Variants in SUGCT observed in about 807,000 individuals in gnomAD.
SUGCT encodes the protein succinyl-CoA:glutarate-CoA transferase.
In SUGCT, 41 loss-of-function variants were observed where a neutral mutation model predicts 55.0. The ratio of observed to expected loss-of-function variants is 0.74; its 90% CI spans 0.58 to 0.97. SUGCT has a LOEUF of 0.97. Among genes scored for constraint, SUGCT ranks in the 50% least tolerant of loss-of-function variants. The pLI is 0.00. For missense variants in SUGCT, 568 were observed against 547.8 expected, an observed-to-expected ratio of 1.04 and a Z score of -0.37; for synonymous variants, 187 against 200.4, an observed-to-expected ratio of 0.93 and a Z score of 0.56.
intron 7 of SUGCT, among the ~76,000 whole-genome samples, chr7:40,272,762 C>T (rs940150915): frequency 2.0e-5 from 3 of 151,404 alleles, no homozygotes; most frequent in African/African-American, 7.3e-5. Flanking sequence ...CGGGTTCAAG[C>T]AGTTCTCCTG....
At chr7:41,005,248 C>G in the SUGCT span, among the ~76,000 whole-genome samples, 1 of 152,116 alleles carries the variant, frequency 6.6e-6, no homozygotes, top group East Asian at 1.9e-4. Context: ...GTGTTTCCCC[C>G]TCAGCTGAAG....
chr7:40,950,973 T>A, the SUGCT span, among the ~76,000 whole-genome samples: 1 of 127,938 alleles, frequency 7.8e-6, no homozygotes, highest in South Asian at 2.2e-4. Flanking sequence ...GCTGGCCTCA[T>A]AAAATGAGTT....
At chr7:40,267,728 T>C (rs1158926103) in intron 7 of SUGCT, among the ~76,000 whole-genome samples, 2 of 152,178 alleles carry the variant, frequency 1.3e-5, no homozygotes, top group African/African-American at 2.4e-5. Context: ...ACTTAGGCAC[T>C]TTACAGTCAC....
At chr7:40,225,571 G>T (rs1440612114) in intron 6 of SUGCT, among the ~76,000 whole-genome samples, 1 of 151,886 alleles carries the variant, frequency 6.6e-6, no homozygotes, top group Non-Finnish European at 1.5e-5. Context: ...AAGTAGCTGG[G>T]ATTACAGGTG....
the SUGCT span, among the ~76,000 whole-genome samples, chr7:40,867,433 G>T: frequency 1.3e-5 from 2 of 151,722 alleles, no homozygotes; most frequent in Non-Finnish European, 2.9e-5. Flanking sequence ...TCTGAAAAAC[G>T]TTAGAACATG....
chr7:40,402,542 A>G (rs557312621), intron 9 of SUGCT, among the ~76,000 whole-genome samples: 2 of 152,302 alleles, frequency 1.3e-5, no homozygotes, highest in South Asian at 4.1e-4. Context: ...AATATGCAAT[A>G]CAAAGTCAGT....
chr7:40,718,133 A>G (rs1440456038), intron 12 of SUGCT, among the ~76,000 whole-genome samples: 1 of 152,236 alleles, frequency 6.6e-6, no homozygotes, highest in Non-Finnish European at 1.5e-5. Context: ...ATCATATTTC[A>G]TGCAAAGCAA....
intron 9 of SUGCT, among the ~76,000 whole-genome samples, chr7:40,334,160 C>T (rs1419791916): frequency 6.6e-6 from 1 of 152,140 alleles, no homozygotes; most frequent in Admixed American, 6.5e-5. Context: ...ATTGATGGAC[C>T]TTTGGGTTGG....
rs560609623 is a variant in SUGCT at position 40,215,081 on chromosome 7, C to T, written c.484+20021C>T. 6.6e-5 allele frequency among the ~76,000 whole-genome samples: 10 copies of T among 152,110 alleles called. No individual in the cohort carries two copies. The East Asian group carries it at 1.4e-3, about 21-fold the overall frequency. On this transcript the variant is annotated intron_variant, in intron 6 of 13. Transcript: ENST00000335693. ...CCCAGAGTTTATAGCATGGCAGATA[C>T]GTTAGGGTCTATCAAAATTAAAGAT...
chr7:40,437,536 G>A (rs1788245111), intron 9 of SUGCT, among the ~76,000 whole-genome samples: 1 of 152,108 alleles, frequency 6.6e-6, no homozygotes, highest in African/African-American at 2.4e-5. Flanking sequence ...AGACTCCAGG[G>A]CTCATCTACC....
Position 40,449,303 on chromosome 7 carries a change from A to G in SUGCT, c.833A>G (p.Asp278Gly). 1 of 1,611,626 alleles carries G rather than the reference A, an allele frequency of 6.2e-7. No individual in the cohort carries two copies. Among genetic ancestry groups the G allele is most frequent in the Non-Finnish European group, 8.5e-7 (1 of 1,178,214 alleles). ...IVPYQAFKTK[D>G]GYIVVGAGNN... ...TTCTTTTAGGCTTTTAAAACCAAGGATGGCTATATTGTAGTTGGAGCAGGA... is the reference window on the plus strand; with the variant it reads ...TTCTTTTAGGCTTTTAAAACCAAGGGTGGCTATATTGTAGTTGGAGCAGGA... The change falls in exon 10 of 14, where the codon GAT becomes GGT. Residue 278 changes from aspartate (D) to glycine (G), a missense_variant. By Grantham distance (94) the Asp-to-Gly change is moderately conservative (BLOSUM62 -1). Coordinates refer to ENST00000335693, the MANE Select transcript of SUGCT (RefSeq NM_001193313.2).
At chr7:40,774,142 C>T (rs1342278439) in intron 13 of SUGCT, among the ~76,000 whole-genome samples, 1 of 152,004 alleles carries the variant, frequency 6.6e-6, no homozygotes, top group Non-Finnish European at 1.5e-5. Context: ...TTGTGTAAAG[C>T]TTATGATTAT....
At chr7:40,545,114 G>T (rs2151627886) in intron 12 of SUGCT, among the ~76,000 whole-genome samples, 1 of 152,174 alleles carries the variant, frequency 6.6e-6, no homozygotes, top group Admixed American at 6.5e-5. Context: ...AGACTTAGAT[G>T]GTTTGTTTTA....
chr7:40,449,243 G>C (rs1449008121), intron 9 of SUGCT, 44 bp from the exon 10 acceptor site: 1 of 1,376,762 alleles, frequency 7.3e-7, no homozygotes. Flanking sequence ...TTGTGGTCTT[G>C]TCAACATATA....
intron 7 of SUGCT, among the ~76,000 whole-genome samples, chr7:40,272,661 A>G (rs71536675): frequency 7.2e-6 from 1 of 138,088 alleles, no homozygotes; most frequent in Admixed American, 7.4e-5. Flanking sequence ...TATTATTATT[A>G]TTATTTTTTT....
chr7:40,332,363 A>G (rs1270090310), intron 9 of SUGCT, among the ~76,000 whole-genome samples: 1 of 152,176 alleles, frequency 6.6e-6, no homozygotes, highest in Non-Finnish European at 1.5e-5. Context: ...GAAGAAGAAT[A>G]CAATATTAAA....
At chr7:40,656,943 G>A (rs1231436564) in intron 12 of SUGCT, among the ~76,000 whole-genome samples, 2 of 152,182 alleles carry the variant, frequency 1.3e-5, no homozygotes, top group Non-Finnish European at 1.5e-5. Context: ...GAGATACACT[G>A]CTCTTGTCAT....
At chr7:40,984,321 G>T in the SUGCT span, among the ~76,000 whole-genome samples, 1 of 151,882 alleles carries the variant, frequency 6.6e-6, no homozygotes, top group Non-Finnish European at 1.5e-5. Flanking sequence ...ATTGTGCTAG[G>T]TGTTCCTAAC....
intron 6 of SUGCT, among the ~76,000 whole-genome samples, chr7:40,218,962 A>G (rs1461231515): frequency 1.3e-5 from 2 of 152,208 alleles, no homozygotes; most frequent in African/African-American, 2.4e-5. Context: ...AAGTTGTGCC[A>G]GCTACATTCT....
Sources: gnomAD v4.1 joint callset for allele counts (sites outside exome capture counted in the v4.1 genomes callset) on GRCh38, gnomAD v4.1.1 for gene constraint, MANE v1.5 for transcripts, NCBI Gene and HGNC (gene_info 2026-07-23, HGNC 2026-07-21) for gene names.